The following INTS6 variants were observed in gnomAD, a reference collection of about 807,000 sequenced individuals.
INTS6 encodes the protein integrator complex subunit 6.
INTS6 carries 16 observed loss-of-function variants against 104.9 expected under a neutral mutation model. The observed-to-expected ratio is 0.15, with a 90% CI of 0.10 to 0.23. The LOEUF (loss-of-function observed/expected upper bound fraction) is 0.23. Ranked by LOEUF, INTS6 falls within the 10% of genes least tolerant of loss-of-function variation. INTS6 has a pLI of 1.00. For synonymous variants in INTS6, 324 were observed against 358.7 expected (o/e 0.90, Z 1.09); for missense variants, 584 against 1,062.8 (o/e 0.55, Z 6.26).
At chr13:51,439,722 T>C (rs999509832) in intron 3 of INTS6, 1 of 152,244 alleles carries the variant, frequency 6.6e-6, no homozygotes, top group Non-Finnish European at 1.5e-5. Context: ...AAAACCTTTC[T>C]TGCTTTGAAA....
chr13:51,372,609 G>C (rs1016508964), intron 15 of INTS6, among the ~76,000 whole-genome samples: 3 of 151,930 alleles, frequency 2.0e-5, no homozygotes, highest in Non-Finnish European at 4.4e-5. Context: ...TCTAACTTAG[G>C]ATCTCCACTT....
intron 4 of INTS6, among the ~76,000 whole-genome samples, chr13:51,397,440 G>A (rs946515426): frequency 6.6e-6 from 1 of 152,210 alleles, no homozygotes; most frequent in Non-Finnish European, 1.5e-5. Flanking sequence ...GCAGAAGGCA[G>A]AAGCAACAGA....
At chr13:51,371,719 TA>T (rs746744590) in intron 15 of INTS6, among the ~76,000 whole-genome samples, 12 of 152,040 alleles carry the variant, frequency 7.9e-5, no homozygotes, top group East Asian at 7.7e-4. Context: ...CAGAGATTGT[TA>T]AACTCCCTCA....
chr13:51,344,550 A>G, the INTS6 span: 2 of 1,328,680 alleles, frequency 1.5e-6, no homozygotes, highest in South Asian at 2.5e-5. Context: ...AGTCTCACCC[A>G]TCACTTGTCA....
chr13:51,452,568 A>G lies in INTS6; in HGVS notation c.-43T>C. ...CCGGGGCCCGAGGTGGTGGAGAAAGAGGAGATGGTAGAGGTGGAGGCGCCG... is the reference window on the plus strand; with the variant it reads ...CCGGGGCCCGAGGTGGTGGAGAAAGGGGAGATGGTAGAGGTGGAGGCGCCG... On this transcript the variant is annotated 5_prime_UTR_variant, in exon 1 of 18. Transcript: ENST00000311234. This position sits in a 1 kb window ranked among gnomAD's most constrained non-coding sequence, Gnocchi z 4.2. The G allele has an allele frequency of 1.3e-6, 2 of 1,595,768 alleles. No individual in the cohort carries two copies. Among genetic ancestry groups the G allele is most frequent in the African/African-American group, 1.3e-5 (1 of 74,124 alleles).
At chr13:51,350,029 CAA>C (rs1419683968), downstream of INTS6, among the ~76,000 whole-genome samples, 1 of 152,170 alleles carries the variant, frequency 6.6e-6, no homozygotes, top group African/African-American at 2.4e-5. Context: ...ACGGTAGACA[CAA>C]AGTCAGCTTT....
chr13:51,383,395 T>C lies in INTS6; in HGVS notation c.1114A>G (p.Thr372Ala). 1 of 1,613,978 alleles carries C rather than the reference T, an allele frequency of 6.2e-7. No individual in the cohort carries two copies. The highest frequency in any genetic ancestry group is 2.2e-5 in the East Asian group (1 of 44,840). ...AATAAGTTGACACAGTTCAGTGCTG[T>C]ACTGGCTTTCAAGTAACCAAAAGGA... ...GHPFGYLKAS[T>A]ALNCVNLFVM... Residue 372 changes from threonine to alanine, a missense_variant, in exon 9 of 18, where the codon ACA (threonine) becomes GCA (alanine). By Grantham distance (58) the Thr-to-Ala change is moderately conservative. This residue lies in a region of INTS6 where 144 missense variants were observed against 348.7 expected (regional missense o/e 0.41). Coordinates refer to ENST00000311234, the MANE Select transcript of INTS6 (RefSeq NM_012141.3).
At chr13:51,393,832 T>C (rs1386445742) in intron 5 of INTS6, among the ~76,000 whole-genome samples, 2 of 152,188 alleles carry the variant, frequency 1.3e-5, no homozygotes, top group Non-Finnish European at 2.9e-5. Context: ...TTTCAGACTC[T>C]TTGATTACAC....
intron 4 of INTS6, among the ~76,000 whole-genome samples, chr13:51,409,558 CCTTT>C (rs1555287980): frequency 6.6e-6 from 1 of 151,558 alleles, no homozygotes; most frequent in Non-Finnish European, 1.5e-5. Context: ...ATGTCAACTG[CCTTT>C]ATTTGTGCTG....
chr13:51,344,187 G>A, the INTS6 span: 3 of 1,152,850 alleles, frequency 2.6e-6, no homozygotes, highest in Non-Finnish European at 3.9e-6. Flanking sequence ...AATGTGTGCT[G>A]GAGGTTGTGC....
intron 3 of INTS6, chr13:51,444,549 G>C (rs1389103349): frequency 3.3e-5 from 5 of 151,886 alleles, no homozygotes; most frequent in African/African-American, 1.2e-4. Context: ...AGGAGTTTCA[G>C]ACCAGCCTGG....
At position 51,369,155 on chromosome 13, in the gene INTS6, C is replaced by T. The variant is rs754752077; in HGVS notation, c.2260G>A (p.Ala754Thr). ...GTTCCTAAATGGTCATGACCAAGAG[C>T]CTCCATATGATTGGTTGGCCGTTCC... The part of the protein sequence containing the change: ...LLERPTNHME[A>T]LGHDHLGTND... The change falls in exon 16 of 18, where the codon GCT (alanine) becomes ACT (threonine). Residue 754 changes from alanine (A) to threonine (T), a missense_variant. Physicochemically the swap from Ala to Thr is moderately conservative, Grantham distance 58. Transcript: ENST00000311234. 4 of 1,613,752 alleles carry T rather than the reference C, an allele frequency of 2.5e-6. No individual in the cohort carries two copies. The East Asian group carries it at 6.7e-5, about 27-fold the overall frequency.
At position 51,363,339 on chromosome 13, in the gene INTS6, T is replaced by C. The variant is rs1400108398; in HGVS notation, c.*2413A>G. On this transcript the variant is annotated 3_prime_UTR_variant, in exon 18 of 18. Coordinates refer to ENST00000311234, the MANE Select transcript of INTS6 (RefSeq NM_012141.3). ...TTCTAATAGTCCTTGTGACTTTACCTCTATCTGGGAGGCATTAGCCTACAT... is the reference window on the plus strand; with the variant it reads ...TTCTAATAGTCCTTGTGACTTTACCCCTATCTGGGAGGCATTAGCCTACAT... The C allele has an allele frequency of 1.3e-5, 2 of 151,924 alleles. No homozygotes were observed. Among genetic ancestry groups the C allele is most frequent in the African/African-American group, 2.4e-5 (1 of 41,396 alleles). The allele number at this position is 151,924 out of a possible 1,614,324, so 9.4% of individuals were successfully genotyped here.
At position 51,447,733 on chromosome 13, in the gene INTS6, GAAAAAAAAAAA is replaced by G. The variant is rs940260743; in HGVS notation, c.339+3281_339+3291del. The G allele has an allele frequency of 1.4e-4, 8 of 55,462 alleles. No individual in the cohort carries two copies. In the East Asian group the frequency reaches 1.8e-3, roughly 12 times the overall value. The allele number at this position is 55,462 out of a possible 1,614,324, so 3.4% of individuals were successfully genotyped here. On this transcript the variant is annotated intron_variant, in intron 3 of 17. Coordinates refer to ENST00000311234, the MANE Select transcript of INTS6 (RefSeq NM_012141.3). Reference sequence around the variant, plus strand: ...CTAATCTTAACTAACATAATTTACTGAAAAAAAAAAAAAAAAAAAAAAAAGACAATGTTGAA... The same window carrying G: ...CTAATCTTAACTAACATAATTTACTGAAAAAAAAAAAAAGACAATGTTGAA...
the INTS6 span, chr13:51,344,585 T>G: frequency 1.1e-6 from 1 of 889,926 alleles, no homozygotes; most frequent in Non-Finnish European, 1.8e-6. Context: ...CAGGCCACCT[T>G]CAATTACAGC....
Position 51,361,795 on chromosome 13 carries a change from CTT to C in INTS6, c.*3955_*3956del, listed in dbSNP as rs754763568. ...GCACAGAAAATGCAATGGAATTTTT[CTT>C]TCTTTCCTGCAGCTCTGTTGTTATT... On this transcript the variant is annotated 3_prime_UTR_variant, in exon 18 of 18. Transcript: ENST00000311234. 7.0e-6 allele frequency: 11 copies of C among 1,570,338 alleles called. No individual in the cohort carries two copies. Among genetic ancestry groups the C allele is most frequent in the Non-Finnish European group, 8.6e-6 (10 of 1,164,416 alleles).
At chr13:51,441,177 C>G (rs774879006) in intron 3 of INTS6, 15 of 152,062 alleles carry the variant, frequency 9.9e-5, no homozygotes, top group African/African-American at 1.4e-4. Context: ...AGTGACAGAA[C>G]CAGGCACAGC....
chr13:51,426,808 T>C lies in INTS6; in HGVS notation c.429+3486A>G, dbSNP rs569432197. On this transcript the variant is annotated intron_variant, in intron 4 of 17. Coordinates refer to ENST00000311234, the MANE Select transcript of INTS6 (RefSeq NM_012141.3). ...AATAAGAAATCAGATAAATAGAAGG[T>C]AAATTTTAAGAACACACAAATTTAG... 3.9e-5 allele frequency among the ~76,000 whole-genome samples: 6 copies of C among 152,138 alleles called. No homozygotes were observed. In the East Asian group the frequency reaches 1.2e-3, roughly 29 times the overall value.
chr13:51,452,661 T>TG lies in INTS6; in HGVS notation c.-137_-136insC, dbSNP rs1953089847. 1 of 1,441,542 alleles carries TG rather than the reference T, an allele frequency of 6.9e-7. No homozygotes were observed. The highest frequency in any genetic ancestry group is 1.3e-5 in the South Asian group (1 of 77,398). The allele number at this position is 1,441,542 out of a possible 1,614,324, so 89.3% of individuals were successfully genotyped here. Reference sequence around the variant, plus strand: ...CCGGGAGGAAAACACTGTCTGGGTCTTTCCTCCGGCTGCGGGGAGTTTCTC... The same window carrying TG: ...CCGGGAGGAAAACACTGTCTGGGTCTGTTCCTCCGGCTGCGGGGAGTTTCTC... On this transcript the variant is annotated 5_prime_UTR_variant, in exon 1 of 18. Transcript: ENST00000311234. The surrounding 1 kb of genome is among the most constrained non-coding windows in gnomAD (Gnocchi z 4.2).
Sources: allele counts gnomAD v4.1 joint callset (sites outside exome capture counted in the v4.1 genomes callset), GRCh38; gene constraint gnomAD v4.1.1; regional missense constraint gnomAD v4.1.1; non-coding constraint Gnocchi (gnomAD v3.1); transcripts MANE v1.5; gene names NCBI Gene and HGNC (gene_info 2026-07-23, HGNC 2026-07-21).